NLK: variants seen among roughly 807,000 people sequenced by gnomAD.
NLK encodes the protein serine/threonine-protein kinase NLK.
In NLK, 11 loss-of-function variants were observed where a neutral mutation model predicts 59.0. The observed-to-expected ratio is 0.19, with a 90% CI of 0.12 to 0.31. The LOEUF (loss-of-function observed/expected upper bound fraction) is 0.31. Ranked by LOEUF, NLK falls within the 10% of genes least tolerant of loss-of-function variation. The pLI is 1.00. For synonymous variants in NLK, 235 were observed against 235.9 expected (o/e 1.00, Z 0.03); for missense variants, 410 against 661.1 (o/e 0.62, Z 4.16).
intron 9 of NLK, 82 bp downstream of exon 9, chr17:28,191,301 G>A: frequency 9.4e-7 from 1 of 1,067,826 alleles, no homozygotes; most frequent in Non-Finnish European, 1.3e-6. Flanking sequence ...CTGAGATCTG[G>A]ATGGTAACCA....
In NLK at chr17:28,054,392, T is replaced by TA. The variant is rs566303889; in HGVS notation, c.458+11065dup. ...CAAGCTAATTAATTATAACACTGTT[T>TA]AAAACATTTTAATAAAATTGAAATT... is the stretch of plus-strand genomic sequence containing the variant. On this transcript the variant is annotated intron_variant, in intron 1 of 10. Coordinates refer to ENST00000407008, the MANE Select transcript of NLK (RefSeq NM_016231.5). Among the ~76,000 whole-genome samples the TA allele has an allele frequency of 1.2e-4, 18 of 152,356 alleles. No homozygotes were observed. In the East Asian group the frequency reaches 3.5e-3, roughly 29 times the overall value.
intron 3 of NLK, among the ~76,000 whole-genome samples, chr17:28,159,468 T>A (rs144932531): frequency 6.6e-6 from 1 of 152,244 alleles, no homozygotes; most frequent in East Asian, 1.9e-4. Flanking sequence ...TAATTTTCTG[T>A]GTTTGAAAAA....
chr17:28,133,565 G>A (rs1031043695), intron 3 of NLK, among the ~76,000 whole-genome samples: 2 of 152,092 alleles, frequency 1.3e-5, no homozygotes, highest in African/African-American at 4.8e-5. Flanking sequence ...TAGCTCCTGG[G>A]ACTGTGCATG....
intron 1 of NLK, among the ~76,000 whole-genome samples, chr17:28,054,763 A>G (rs563398939): frequency 4.6e-5 from 7 of 152,326 alleles, no homozygotes; most frequent in African/African-American, 1.7e-4. Context: ...ATTTAAAGGG[A>G]TAGTATGATT....
intron 3 of NLK, among the ~76,000 whole-genome samples, chr17:28,136,893 C>A (rs1293243812): frequency 6.8e-6 from 1 of 148,040 alleles, no homozygotes; most frequent in African/African-American, 2.5e-5. Context: ...GCATGAGCCA[C>A]TGTGCCTGGC....
At chr17:28,098,871 G>A (rs1484130237) in intron 1 of NLK, among the ~76,000 whole-genome samples, 1 of 151,618 alleles carries the variant, frequency 6.6e-6, no homozygotes, top group Non-Finnish European at 1.5e-5. Context: ...TAGTAGAGAC[G>A]GGGTTTCTGC....
intron 1 of NLK, among the ~76,000 whole-genome samples, chr17:28,100,329 A>G (rs1269589413): frequency 6.6e-6 from 1 of 152,122 alleles, no homozygotes; most frequent in Non-Finnish European, 1.5e-5. Context: ...CCTCATGACC[A>G]CTTATTATTT....
chr17:28,050,838 T>G (rs1356586780), intron 1 of NLK, among the ~76,000 whole-genome samples: 1 of 151,892 alleles, frequency 6.6e-6, no homozygotes, highest in Non-Finnish European at 1.5e-5. Context: ...GCCATGGTGG[T>G]TCACACCTGT....
Position 28,043,343 on chromosome 17 carries a change from A to C in NLK, c.458+12A>C, listed in dbSNP as rs764742843. ...TTTGGTGTTGTCTGGTGAGTATCCA[A>C]AGAAAAACACAACCTCTCATGGTTT... On this transcript the variant is annotated intron_variant, in intron 1 of 10. Transcript: ENST00000407008. 130 of 1,521,666 alleles carry C rather than the reference A, an allele frequency of 8.5e-5. No individual in the cohort carries two copies. The highest frequency in any genetic ancestry group is 1.1e-4 in the Non-Finnish European group (121 of 1,133,866). The allele number at this position is 1,521,666 out of a possible 1,614,324, so 94.3% of individuals were successfully genotyped here.
intron 1 of NLK, among the ~76,000 whole-genome samples, chr17:28,114,233 A>G (rs946488756): frequency 1.3e-5 from 2 of 152,166 alleles, no homozygotes; most frequent in African/African-American, 4.8e-5. Flanking sequence ...TAATGTATAG[A>G]TATGCATATT....
chr17:28,054,776 G>A (rs1909380703), intron 1 of NLK, among the ~76,000 whole-genome samples: 1 of 152,236 alleles, frequency 6.6e-6, no homozygotes, highest in Non-Finnish European at 1.5e-5. Flanking sequence ...GTATGATTTA[G>A]TAGTCAAGGC....
At chr17:28,111,309 C>T (rs1276617042) in intron 1 of NLK, among the ~76,000 whole-genome samples, 2 of 152,066 alleles carry the variant, frequency 1.3e-5, no homozygotes, top group East Asian at 1.9e-4. Context: ...GCCTCAGCCT[C>T]CCAAGTAACT....
chr17:28,199,909 G>T (rs1296759011), downstream of NLK, among the ~76,000 whole-genome samples: 1 of 152,102 alleles, frequency 6.6e-6, no homozygotes, highest in Non-Finnish European at 1.5e-5. Context: ...TGACTGCCCT[G>T]GAGTACTCAG....
At chr17:28,155,781 G>C (rs753792551) in intron 3 of NLK, among the ~76,000 whole-genome samples, 5 of 152,146 alleles carry the variant, frequency 3.3e-5, no homozygotes, top group Non-Finnish European at 5.9e-5. Context: ...GGCCTGTCGG[G>C]GGGTGGAGGG....
At chr17:28,149,718 T>C (rs1357663493) in intron 3 of NLK, among the ~76,000 whole-genome samples, 1 of 152,208 alleles carries the variant, frequency 6.6e-6, no homozygotes, top group Admixed American at 6.5e-5. Context: ...AATCTTTGAG[T>C]GAATTGCAGT....
At chr17:28,055,154 G>A (rs147734675) in intron 1 of NLK, among the ~76,000 whole-genome samples, 58 of 148,904 alleles carry the variant, frequency 3.9e-4, no homozygotes, top group East Asian at 1.2e-3. Context: ...GTGCAGTGGC[G>A]TGATCTTGGC....
At chr17:28,045,146 A>T (rs1464797314) in intron 1 of NLK, among the ~76,000 whole-genome samples, 1 of 152,176 alleles carries the variant, frequency 6.6e-6, no homozygotes, top group Non-Finnish European at 1.5e-5. Flanking sequence ...GAGGTTTTTA[A>T]TTGATTGACT....
chr17:28,109,960 A>G (rs1045040390), intron 1 of NLK, among the ~76,000 whole-genome samples: 4 of 152,232 alleles, frequency 2.6e-5, no homozygotes, highest in Non-Finnish European at 4.4e-5. Flanking sequence ...AAAGGGTTCC[A>G]ATTTTGATTG....
At chr17:28,156,243 T>G (rs188217093) in intron 3 of NLK, among the ~76,000 whole-genome samples, 1 of 152,230 alleles carries the variant, frequency 6.6e-6, no homozygotes, top group East Asian at 1.9e-4. Context: ...CCAATCTCAT[T>G]TCCTCTATTC....
Sources: allele counts gnomAD v4.1 joint callset (sites outside exome capture counted in the v4.1 genomes callset), GRCh38; gene constraint gnomAD v4.1.1; transcripts MANE v1.5; gene names NCBI Gene and HGNC (gene_info 2026-07-23, HGNC 2026-07-21).